Variants in AGK observed in about 807,000 individuals in gnomAD.
AGK encodes acylglycerol kinase, mitochondrial.
Under a neutral mutation model 66.4 loss-of-function variants are expected in AGK, and 52 were observed. That is an observed-to-expected ratio of 0.78 (90% confidence interval 0.63 to 0.99). The LOEUF (loss-of-function observed/expected upper bound fraction) is 0.99. Among genes scored for constraint, AGK ranks in the 50% least tolerant of loss-of-function variants. The probability of loss-of-function intolerance (pLI) is 0.00; values close to 1 mark genes in which losing one functional copy is unlikely to be tolerated. For synonymous variants in AGK, 182 were observed against 181.1 expected, an observed-to-expected ratio of 1.00 and a Z score of -0.04; for missense variants, 451 against 506.6, an observed-to-expected ratio of 0.89 and a Z score of 1.05.
At chr7:141,619,340 A>G (rs1796775221) in intron 8 of AGK, among the ~76,000 whole-genome samples, 1 of 152,216 alleles carries the variant, frequency 6.6e-6, no homozygotes, top group African/African-American at 2.4e-5. Flanking sequence ...TGGCAAAACA[A>G]GAGACATAAA....
intron 2 of AGK, among the ~76,000 whole-genome samples, chr7:141,565,422 G>T (rs1455349800): frequency 6.6e-6 from 1 of 152,036 alleles, no homozygotes; most frequent in East Asian, 1.9e-4. Context: ...AGGCCGAGGC[G>T]GGCAGATCAA....
intron 9 of AGK, among the ~76,000 whole-genome samples, chr7:141,624,378 A>G (rs1796890883): frequency 6.6e-6 from 1 of 152,172 alleles, no homozygotes; most frequent in South Asian, 2.1e-4. Context: ...CAGTTGCCAT[A>G]GATAGTGATT....
chr7:141,614,074 A>G, intron 6 of AGK, 72 bp from the exon 7 acceptor site: 1 of 1,164,208 alleles, frequency 8.6e-7, no homozygotes, highest in Non-Finnish European at 1.2e-6. Context: ...GTCTATGAAA[A>G]TTGAATCCAA....
At chr7:141,626,804 A>G (rs1292734102) in intron 9 of AGK, among the ~76,000 whole-genome samples, 6 of 152,214 alleles carry the variant, frequency 3.9e-5, no homozygotes, top group East Asian at 1.9e-4. Flanking sequence ...ATGAGAAACA[A>G]TGGCAATCAT....
intron 2 of AGK, among the ~76,000 whole-genome samples, chr7:141,584,856 A>C: frequency 6.6e-6 from 1 of 152,218 alleles, no homozygotes; most frequent in South Asian, 2.1e-4. Flanking sequence ...AGGGGCATTG[A>C]AATGAAGACA....
chr7:141,555,525 GC>G lies in AGK; in HGVS notation c.61del (p.Leu21CysfsTer2). 1 of 1,614,116 alleles carries G rather than the reference GC, an allele frequency of 6.2e-7. No homozygotes were observed. Among genetic ancestry groups the G allele is most frequent in the Non-Finnish European group, 8.5e-7 (1 of 1,179,988 alleles). On this transcript the variant is annotated frameshift_variant, in exon 2 of 16. Coordinates refer to ENST00000649286, the MANE Select transcript of AGK (RefSeq NM_018238.4). LOFTEE classifies it high-confidence loss of function. The surrounding 1 kb of genome is among the most constrained non-coding windows in gnomAD (Gnocchi z 4.2). ...NHWKKTTAGL[C>X]LLTWGGHWLY... ...TGGAAGAAAACTACAGCTGGGCTCT[GC>G]CTGCTGACCTGGGGAGGCCATTGGC...
intron 3 of AGK, among the ~76,000 whole-genome samples, chr7:141,594,422 A>G (rs1430274096): frequency 6.6e-6 from 1 of 151,838 alleles, no homozygotes; most frequent in Non-Finnish European, 1.5e-5. Flanking sequence ...CTCCATCTCA[A>G]CCTCGTGTTC....
intron 2 of AGK, among the ~76,000 whole-genome samples, chr7:141,565,211 AT>A (rs1795442914): frequency 6.6e-6 from 1 of 152,168 alleles, no homozygotes; most frequent in Non-Finnish European, 1.5e-5. Context: ...CCTCTTTTGA[AT>A]TCCAGACCTG....
rs370162189 is a variant in AGK at position 141,643,730 on chromosome 7, T to C, written c.975+1822T>C. ...CCTGTCCTAAGAATTTTACATAATA[T>C]TATGTAATCCTTATAGGTAGATATC... On this transcript the variant is annotated intron_variant, in intron 13 of 15. Transcript: ENST00000649286. 2.6e-5 allele frequency among the ~76,000 whole-genome samples: 4 copies of C among 152,154 alleles called. No individual in the cohort carries two copies. The East Asian group carries it at 7.7e-4, about 29-fold the overall frequency.
intron 6 of AGK, 127 bp from the exon 7 acceptor site, chr7:141,614,019 A>C: frequency 1.5e-6 from 1 of 649,530 alleles, no homozygotes; most frequent in Non-Finnish European, 2.7e-6. Context: ...GATCCAGTGC[A>C]TCTTTTAACA....
At chr7:141,589,066 C>T (rs1482869992) in intron 2 of AGK, among the ~76,000 whole-genome samples, 1 of 152,122 alleles carries the variant, frequency 6.6e-6, no homozygotes, top group Non-Finnish European at 1.5e-5. Flanking sequence ...TGCCCTACCT[C>T]CTGGGAATGC....
chr7:141,577,864 G>C (rs978108438), intron 2 of AGK, among the ~76,000 whole-genome samples: 1 of 150,618 alleles, frequency 6.6e-6, no homozygotes, highest in Middle Eastern at 3.2e-3. Context: ...TGTCACCCAG[G>C]CTGGCGTGCA....
At chr7:141,632,375 A>G (rs1797078598) in intron 9 of AGK, among the ~76,000 whole-genome samples, 2 of 152,104 alleles carry the variant, frequency 1.3e-5, no homozygotes, top group Non-Finnish European at 2.9e-5. Flanking sequence ...ATGATTAGAG[A>G]AAAATCTTTT....
At chr7:141,610,015 C>T (rs1014093719) in intron 5 of AGK, among the ~76,000 whole-genome samples, 1 of 151,254 alleles carries the variant, frequency 6.6e-6, no homozygotes, top group Non-Finnish European at 1.5e-5. Flanking sequence ...GTCGCCCAGG[C>T]TGGAGTGCAG....
chr7:141,566,033 C>T (rs770314379), intron 2 of AGK, among the ~76,000 whole-genome samples: 2 of 152,324 alleles, frequency 1.3e-5, no homozygotes, highest in East Asian at 3.9e-4. Context: ...TGGACCTTTC[C>T]GATCTTCGGA....
Position 141,627,773 on chromosome 7 carries a change from G to A in AGK, c.588+5972G>A, listed in dbSNP as rs951050621. ...ATTTAAAATACTGTTATTACCAAAG[G>A]AGGTGCATCAGGATACATCTCAATA... On this transcript the variant is annotated intron_variant, in intron 9 of 15. Coordinates refer to ENST00000649286, the MANE Select transcript of AGK (RefSeq NM_018238.4). Among the ~76,000 whole-genome samples, 4 of 152,152 alleles carry A rather than the reference G, an allele frequency of 2.6e-5. No homozygotes were observed. In the East Asian group the frequency reaches 5.8e-4, roughly 22 times the overall value.
chr7:141,571,932 T>C (rs745390212), intron 2 of AGK, among the ~76,000 whole-genome samples: 6 of 152,202 alleles, frequency 3.9e-5, no homozygotes, highest in Non-Finnish European at 8.8e-5. Context: ...AGAGAAAGCA[T>C]CCTTACAAAG....
chr7:141,572,404 A>AG (rs1795624888), intron 2 of AGK, among the ~76,000 whole-genome samples: 2 of 152,214 alleles, frequency 1.3e-5, no homozygotes, highest in African/African-American at 2.4e-5. Context: ...TGCCAAAGGC[A>AG]GGGGGTGTCT....
rs779500088 is a variant in AGK at position 141,555,564 on chromosome 7, A to G, written c.98A>G (p.His33Arg). The change falls in exon 2 of 16, where the codon CAC becomes CGC. Residue 33 changes from histidine to arginine, a missense_variant. Physicochemically the swap from His to Arg is conservative, Grantham distance 29. Transcript: ENST00000649286. This position sits in a 1 kb window ranked among gnomAD's most constrained non-coding sequence, Gnocchi z 4.2. Reference protein sequence around the residue: ...TWGGHWLYGKHCDNLLRRAAC... With the variant: ...TWGGHWLYGKRCDNLLRRAAC... ...GGAGGCCATTGGCTCTATGGAAAACACTGGTAACTATCTGACAGCCCCATC... is the reference window on the plus strand; with the variant it reads ...GGAGGCCATTGGCTCTATGGAAAACGCTGGTAACTATCTGACAGCCCCATC... 1.9e-6 allele frequency: 3 copies of G among 1,611,616 alleles called. No homozygotes were observed. The highest frequency in any genetic ancestry group is 2.2e-5 in the East Asian group (1 of 44,840).
Sources: allele counts gnomAD v4.1 joint callset (sites outside exome capture counted in the v4.1 genomes callset), GRCh38; gene constraint gnomAD v4.1.1; non-coding constraint Gnocchi (gnomAD v3.1); transcripts MANE v1.5; gene names NCBI Gene and HGNC (gene_info 2026-07-23, HGNC 2026-07-21).